The following SCOC variants were observed in gnomAD, a reference collection of about 807,000 sequenced individuals.
SCOC encodes short coiled-coil protein.
Under a neutral mutation model 9.9 loss-of-function variants are expected in SCOC, and 7 were observed. That is an observed-to-expected ratio of 0.71 (90% CI 0.40 to 1.33). The LOEUF (loss-of-function observed/expected upper bound fraction) is 1.33. SCOC is among the 40% of genes most tolerant of loss of function. The pLI, the probability that SCOC is intolerant of heterozygous loss-of-function variation, is 0.01. For synonymous variants in SCOC, 19 were observed against 28.2 expected (o/e 0.67, Z 1.03); for missense variants, 66 against 89.7 (o/e 0.74, Z 1.07).
Position 140,309,397 on chromosome 4 carries a change from T to A in SCOC, c.-18-34224T>A, listed in dbSNP as rs571169442. Among the ~76,000 whole-genome samples, 18 of 152,290 alleles carry A rather than the reference T, an allele frequency of 1.2e-4. No homozygotes were observed. The South Asian group carries it at 3.7e-3, about 32-fold the overall frequency. On this transcript the variant is annotated intron_variant, in intron 1 of 4. Coordinates refer to the SCOC transcript ENST00000394205. ...TGTCAGAGGAGTCACTGATAGGTGATGGGAAGTGTGCTGGAGAAGTGGCTG... is the reference window on the plus strand; with the variant it reads ...TGTCAGAGGAGTCACTGATAGGTGAAGGGAAGTGTGCTGGAGAAGTGGCTG...
rs1268429050 is a variant in SCOC at position 140,363,009 on chromosome 4, G to C, written c.71-16112G>C. Among the ~76,000 whole-genome samples, 4 of 152,286 alleles carry C rather than the reference G, an allele frequency of 2.6e-5. No individual in the cohort carries two copies. The East Asian group carries it at 7.7e-4, about 29-fold the overall frequency. ...TTCAGAGAGCAACTTTAAGGGATGA[G>C]GTAATGCCTCTCTGGTTAAAGAGCA... On this transcript the variant is annotated intron_variant, in intron 2 of 4. Coordinates refer to the SCOC transcript ENST00000338517.
At chr4:140,362,828 G>C (rs1727630228) in intron 2 of SCOC, 2 of 152,120 alleles carry the variant, frequency 1.3e-5, no homozygotes, top group Admixed American at 6.5e-5. Flanking sequence ...ACTATATAAG[G>C]AAGGAGGAAG....
At chr4:140,339,351 A>G (rs372382811), upstream of SCOC, among the ~76,000 whole-genome samples, 1 of 152,054 alleles carries the variant, frequency 6.6e-6, no homozygotes, top group South Asian at 2.1e-4. Flanking sequence ...AAAACCCTAG[A>G]AGAAAACCTA....
intron 1 of SCOC, among the ~76,000 whole-genome samples, chr4:140,327,332 A>G (rs2085730215): frequency 1.3e-5 from 2 of 151,788 alleles, no homozygotes; most frequent in Admixed American, 1.3e-4. Context: ...TGCAAACACC[A>G]CTCTCAGGTG....
At chr4:140,262,448 T>C (rs1462575544) in intron 1 of SCOC, among the ~76,000 whole-genome samples, 3 of 152,190 alleles carry the variant, frequency 2.0e-5, no homozygotes, top group African/African-American at 7.2e-5. Flanking sequence ...CTTTGGCACA[T>C]TGGATTAAAA....
At chr4:140,330,803 C>T (rs1732796320) in intron 1 of SCOC, among the ~76,000 whole-genome samples, 1 of 152,296 alleles carries the variant, frequency 6.6e-6, no homozygotes, top group South Asian at 2.1e-4. Context: ...AAACACTTTA[C>T]AGATTCTGAA....
chr4:140,361,550 T>C (rs1727469310), intron 2 of SCOC, among the ~76,000 whole-genome samples: 2 of 152,206 alleles, frequency 1.3e-5, no homozygotes, highest in South Asian at 2.1e-4. Flanking sequence ...TCCCAGCTAT[T>C]TGAGAGGCTG....
Position 140,384,236 on chromosome 4 carries a change from TCC to T in SCOC, c.*3135_*3136del, listed in dbSNP as rs1401396743. 6.6e-6 allele frequency: 1 copy of T among 152,208 alleles called. No individual in the cohort carries two copies. Among genetic ancestry groups the T allele is most frequent in the Non-Finnish European group, 1.5e-5 (1 of 68,028 alleles). The allele number at this position is 152,208 out of a possible 1,614,324, so 9.4% of individuals were successfully genotyped here. ...TCAGATTAGTAGGTGTCAAAATATA[TCC>T]CCACTGCTTGTCATGTTAATGGTAA... On this transcript the variant is annotated 3_prime_UTR_variant, in exon 4 of 4. Transcript: ENST00000608372.
intron 1 of SCOC, among the ~76,000 whole-genome samples, chr4:140,270,757 A>G (rs934855935): frequency 6.6e-6 from 1 of 152,196 alleles, no homozygotes; most frequent in Non-Finnish European, 1.5e-5. Context: ...TCAGTTGGTT[A>G]CTATCTCTAG....
chr4:140,284,556 A>G (rs933735447), intron 1 of SCOC: 6 of 152,270 alleles, frequency 3.9e-5, no homozygotes, highest in Admixed American at 6.5e-5. Context: ...GAAACATTGC[A>G]TAGATGCTTA....
chr4:140,368,373 G>A (rs578252789), intron 2 of SCOC, among the ~76,000 whole-genome samples: 1 of 151,976 alleles, frequency 6.6e-6, no homozygotes, highest in South Asian at 2.1e-4. Flanking sequence ...TGTATTATTC[G>A]TATTTATTAT....
chr4:140,313,866 G>A (rs1345404960), intron 1 of SCOC, among the ~76,000 whole-genome samples: 1 of 151,968 alleles, frequency 6.6e-6, no homozygotes, highest in African/African-American at 2.4e-5. Flanking sequence ...GGTGGCTCAT[G>A]CCTGTAATCC....
At chr4:140,350,969 C>T (rs1418583561) in intron 2 of SCOC, among the ~76,000 whole-genome samples, 1 of 151,720 alleles carries the variant, frequency 6.6e-6, no homozygotes, top group Non-Finnish European at 1.5e-5. Context: ...GCCGGCAGAT[C>T]GCCTGAGGTC....
chr4:140,374,101 C>G (rs1728212841), intron 1 of SCOC: 2 of 472,704 alleles, frequency 4.2e-6, no homozygotes, highest in South Asian at 3.1e-5. Context: ...ACGCCTGGAC[C>G]TTCCCGTGGC....
At chr4:140,378,778 CTTA>C (rs1183886031) in intron 1 of SCOC, among the ~76,000 whole-genome samples, 2 of 152,022 alleles carry the variant, frequency 1.3e-5, no homozygotes, top group Admixed American at 6.5e-5. Context: ...TTTTATGAAT[CTTA>C]TTATCATACT....
At chr4:140,269,504 G>A (rs2126399499) in intron 1 of SCOC, among the ~76,000 whole-genome samples, 1 of 152,172 alleles carries the variant, frequency 6.6e-6, no homozygotes, top group East Asian at 1.9e-4. Flanking sequence ...ATCCCTGCAA[G>A]GTATCAGCCA....
chr4:140,326,460 A>G (rs1367800175), intron 1 of SCOC, among the ~76,000 whole-genome samples: 1 of 152,198 alleles, frequency 6.6e-6, no homozygotes, highest in African/African-American at 2.4e-5. Flanking sequence ...AAACAAAACA[A>G]AAAAACAAAA....
At chr4:140,288,182 TAAAAATGACCTAC>T (rs1731354135) in intron 1 of SCOC, among the ~76,000 whole-genome samples, 1 of 151,828 alleles carries the variant, frequency 6.6e-6, no homozygotes, top group Admixed American at 6.6e-5. Context: ...TACACATGCA[TAAAAATGACCTAC>T]ACCACACATC....
At chr4:140,274,129 A>G (rs986683340) in intron 1 of SCOC, among the ~76,000 whole-genome samples, 2 of 152,248 alleles carry the variant, frequency 1.3e-5, no homozygotes, top group Non-Finnish European at 2.9e-5. Flanking sequence ...CTAAGCTACT[A>G]TGTATCACCC....
Sources: allele counts gnomAD v4.1 joint callset (sites outside exome capture counted in the v4.1 genomes callset), GRCh38; gene constraint gnomAD v4.1.1; transcripts MANE v1.5; gene names NCBI Gene and HGNC (gene_info 2026-07-23, HGNC 2026-07-21).